Variants in CWC22 observed in about 807,000 individuals in gnomAD.
CWC22 encodes CWC22 spliceosome associated protein, also known as pre-mRNA-splicing factor CWC22 homolog.
A neutral mutation model predicts 117.2 loss-of-function variants in CWC22; 53 were observed. That is an observed-to-expected ratio of 0.45 (90% CI 0.36 to 0.57). The LOEUF (loss-of-function observed/expected upper bound fraction) is 0.57. Among genes scored for constraint, CWC22 ranks in the 20% least tolerant of loss-of-function variants. CWC22 has a pLI of 0.00. For synonymous variants in CWC22, 360 were observed against 355.6 expected (o/e 1.01, Z -0.14); for missense variants, 980 against 1,068.8 (o/e 0.92, Z 1.16).
intron 4 of CWC22, among the ~76,000 whole-genome samples, chr2:179,983,482 A>G (rs1687336060): frequency 6.6e-6 from 1 of 152,144 alleles, no homozygotes; most frequent in African/African-American, 2.4e-5. Flanking sequence ...CATGGTGTAT[A>G]AGTACGACAT....
At chr2:180,000,344 T>C (rs1687815804) in intron 1 of CWC22, among the ~76,000 whole-genome samples, 1 of 152,186 alleles carries the variant, frequency 6.6e-6, no homozygotes. Context: ...AATACAAAGA[T>C]TATTCTTAAG....
intron 11 of CWC22, among the ~76,000 whole-genome samples, chr2:179,967,566 G>A (rs190732439): frequency 4.5e-4 from 69 of 152,240 alleles, no homozygotes; most frequent in Admixed American, 7.8e-4. Flanking sequence ...CACTAAACAA[G>A]GCATCAAACT....
At chr2:179,999,865 ATAT>A (rs1382157592) in intron 1 of CWC22, among the ~76,000 whole-genome samples, 1 of 152,214 alleles carries the variant, frequency 6.6e-6, no homozygotes, top group Non-Finnish European at 1.5e-5. Context: ...GAAAGTGGTA[ATAT>A]TATACAATAC....
Position 179,978,243 on chromosome 2 carries a change from G to A in CWC22, c.528C>T (p.Ser176=). The change falls in exon 6 of 20, where the codon TCC becomes TCT. Residue 176 remains serine (S), a synonymous_variant. Transcript: ENST00000410053. ...GCTCTTGAATAATAATACTTATGTT[G>A]GAAATGTTGACTTTGTTGATAAGGC... ...INGLINKVNI[S]NISIIIQELL... The A allele has an allele frequency of 6.4e-7, 1 of 1,572,186 alleles. No homozygotes were observed. Among genetic ancestry groups the A allele is most frequent in the Non-Finnish European group, 8.6e-7 (1 of 1,160,948 alleles).
In CWC22 at chr2:179,970,719, C is replaced by G; in HGVS notation, c.1078G>C (p.Val360Leu). 6.2e-7 allele frequency: 1 copy of G among 1,613,746 alleles called. No homozygotes were observed. The highest frequency in any genetic ancestry group is 8.5e-7 in the Non-Finnish European group (1 of 1,179,750). Residue 360 changes from valine to leucine, a missense_variant, in exon 10 of 20, where the codon GTG becomes CTG. Transcript: ENST00000410053. Reference protein sequence around the residue: ...HPIILEGLDLVEEDDQFTHML... With the variant: ...HPIILEGLDLLEEDDQFTHML... ...TGAGTGAATTGATCATCTTCTTCCA[C>G]CAAATCAAGACCTTCTAGGATAATG...
intron 14 of CWC22, among the ~76,000 whole-genome samples, chr2:179,956,777 C>T (rs568692545): frequency 4.7e-5 from 7 of 150,064 alleles, no homozygotes; most frequent in Non-Finnish European, 8.9e-5. Context: ...CGAAAATTCA[C>T]TTTCAACTTT....
intron 5 of CWC22, among the ~76,000 whole-genome samples, chr2:179,980,198 G>A (rs768091285): frequency 5.9e-5 from 9 of 152,006 alleles, no homozygotes; most frequent in East Asian, 1.9e-4. Context: ...TGAGCAAAAC[G>A]TTTACATGAT....
intron 1 of CWC22, among the ~76,000 whole-genome samples, chr2:179,997,879 A>G (rs3914458): frequency 0.82 from 125,427 of 152,106 alleles, 51,781 homozygotes; most frequent in South Asian, 0.85. Context: ...GACAGGTTGG[A>G]CTTTTTTCCT....
At chr2:179,953,423 C>G (rs897012880) in intron 16 of CWC22, among the ~76,000 whole-genome samples, 2 of 151,910 alleles carry the variant, frequency 1.3e-5, no homozygotes, top group Non-Finnish European at 2.9e-5. Flanking sequence ...TTTCAAATTC[C>G]TTTAGTAATT....
chr2:179,973,677 C>G lies in CWC22; in HGVS notation c.707G>C (p.Arg236Thr), dbSNP rs754077146. 6.3e-5 allele frequency: 101 copies of G among 1,610,146 alleles called. No homozygotes were observed. The highest frequency in any genetic ancestry group is 8.2e-5 in the Non-Finnish European group (96 of 1,177,676). The stretch of plus-strand genomic sequence containing the variant: ...GCCTTTTCGAAAATTAAGAATTAAC[C>G]TTTTGAGGATTAATTCTCCAATTTG... ...FPQIGELILKRLILNFRKGYR... is the reference protein window; with the variant it reads ...FPQIGELILKTLILNFRKGYR... Residue 236 changes from arginine (R) to threonine (T), a missense_variant, in exon 7 of 20, where the codon AGG (arginine) becomes ACG (threonine). Arg to Thr is a moderately conservative substitution (Grantham distance 71). Around this residue, in one of 3 missense-constraint regions of CWC22, gnomAD observed 559 missense variants for 602.3 expected, o/e 0.93. Transcript: ENST00000410053.
chr2:179,945,089 C>A lies in CWC22; in HGVS notation c.*40G>T. On this transcript the variant is annotated 3_prime_UTR_variant, in exon 20 of 20. Coordinates refer to ENST00000410053, the MANE Select transcript of CWC22 (RefSeq NM_020943.3). ...CAAAGTAAAAAATAATTTGTTTCAA[C>A]TGAATATAAGGCATGTCCAGTTTAT... The A allele has an allele frequency of 7.3e-7, 1 of 1,369,412 alleles. No homozygotes were observed. Among genetic ancestry groups the A allele is most frequent in the South Asian group, 1.4e-5 (1 of 70,746 alleles). 84.8% of individuals were successfully genotyped at this position (1,369,412 alleles called of 1,614,324 possible).
chr2:180,006,111 G>A (rs1687965768), intron 1 of CWC22, among the ~76,000 whole-genome samples: 2 of 152,320 alleles, frequency 1.3e-5, no homozygotes, highest in South Asian at 4.1e-4. Context: ...ATACAGATAA[G>A]AGGTAGGTTA....
intron 1 of CWC22, among the ~76,000 whole-genome samples, chr2:179,999,358 TCAA>T (rs1002434369): frequency 6.6e-6 from 1 of 152,072 alleles, no homozygotes; most frequent in Non-Finnish European, 1.5e-5. Context: ...AGAAAGCAAC[TCAA>T]CAAAACCACA....
chr2:179,998,566 C>T (rs755764088), intron 1 of CWC22, among the ~76,000 whole-genome samples: 18 of 152,060 alleles, frequency 1.2e-4, no homozygotes, highest in Non-Finnish European at 2.2e-4. Flanking sequence ...CCAACACTAA[C>T]GAATTGAAGC....
intron 15 of CWC22, 23 bp downstream of exon 15, chr2:179,954,934 C>T (rs1247576362): frequency 7.4e-7 from 1 of 1,359,476 alleles, no homozygotes; most frequent in South Asian, 1.2e-5. Context: ...TTAAGAATTC[C>T]CTCAGTAGAG....
At chr2:179,997,385 A>G (rs1687732712) in intron 1 of CWC22, among the ~76,000 whole-genome samples, 1 of 152,142 alleles carries the variant, frequency 6.6e-6, no homozygotes, top group Admixed American at 6.5e-5. Flanking sequence ...TTTAAAAAAT[A>G]TTTAAAACAG....
rs781562037 is a variant in CWC22, at chr2:179,956,380, C to T, written c.1459-1346G>A. Reference sequence around the variant, plus strand: ...TTAGTTCTTCAGCCACATTACTAGTCATATTTCAAGTACTCAAAAGCCACA... The same window carrying T: ...TTAGTTCTTCAGCCACATTACTAGTTATATTTCAAGTACTCAAAAGCCACA... On this transcript the variant is annotated intron_variant, in intron 14 of 19. Coordinates refer to ENST00000410053, the MANE Select transcript of CWC22 (RefSeq NM_020943.3). 7.3e-5 allele frequency among the ~76,000 whole-genome samples: 11 copies of T among 151,360 alleles called. No homozygotes were observed. The East Asian group carries it at 9.7e-4, about 13-fold the overall frequency.
chr2:179,971,549 T>C (rs1290536144), intron 8 of CWC22, among the ~76,000 whole-genome samples: 1 of 152,142 alleles, frequency 6.6e-6, no homozygotes. Context: ...ACACAAATAG[T>C]CCTTAAGTTA....
At chr2:179,969,286 T>A (rs1279764092) in intron 11 of CWC22, among the ~76,000 whole-genome samples, 1 of 152,042 alleles carries the variant, frequency 6.6e-6, no homozygotes, top group Non-Finnish European at 1.5e-5. Context: ...ATCTATGGAG[T>A]TCTCTGTTTG....
Sources: allele counts gnomAD v4.1 joint callset (sites outside exome capture counted in the v4.1 genomes callset), GRCh38; gene constraint gnomAD v4.1.1; regional missense constraint gnomAD v4.1.1; transcripts MANE v1.5; gene names NCBI Gene and HGNC (gene_info 2026-07-23, HGNC 2026-07-21).